ERBB4: variants seen among roughly 807,000 people sequenced by gnomAD.
ERBB4 encodes erb-b2 receptor tyrosine kinase 4, also known as receptor tyrosine-protein kinase erbB-4.
ERBB4 carries 42 observed loss-of-function variants against 158.0 expected under a neutral mutation model. The observed-to-expected ratio is 0.27, with a 90% CI of 0.21 to 0.34. The LOEUF (loss-of-function observed/expected upper bound fraction) is 0.34, where lower values mean the gene tolerates loss of function less well. ERBB4 is among the 10% of genes least tolerant of loss of function. The probability of loss-of-function intolerance (pLI) is 1.00; values close to 1 mark genes in which losing one functional copy is unlikely to be tolerated. For synonymous variants in ERBB4, 583 were observed against 558.7 expected (o/e 1.04, Z -0.61); for missense variants, 1,333 against 1,624.1 (o/e 0.82, Z 3.08).
intron 1 of ERBB4, among the ~76,000 whole-genome samples, chr2:212,203,170 G>C (rs1435526240): frequency 6.6e-6 from 1 of 152,012 alleles, no homozygotes; most frequent in Non-Finnish European, 1.5e-5. Flanking sequence ...ATAATAAGGA[G>C]AACAAATGGG....
At chr2:212,230,411 T>C (rs965408812) in intron 1 of ERBB4, among the ~76,000 whole-genome samples, 1 of 152,238 alleles carries the variant, frequency 6.6e-6, no homozygotes, top group African/African-American at 2.4e-5. Context: ...GGATTTTGTA[T>C]TGTAACAGAT....
chr2:212,131,005 A>C (rs938768198), intron 1 of ERBB4, among the ~76,000 whole-genome samples: 11 of 152,198 alleles, frequency 7.2e-5, no homozygotes, highest in Non-Finnish European at 1.6e-4. Context: ...TTGGGCATTA[A>C]AAAATCTAGC....
intron 1 of ERBB4, among the ~76,000 whole-genome samples, chr2:212,444,155 T>C (rs1560338444): frequency 6.6e-6 from 1 of 152,186 alleles, no homozygotes; most frequent in Admixed American, 6.5e-5. Context: ...GAGTTCCCTA[T>C]GATCAGTTGA....
At chr2:211,804,875 G>A (rs1198239860) in intron 3 of ERBB4, among the ~76,000 whole-genome samples, 1 of 151,478 alleles carries the variant, frequency 6.6e-6, no homozygotes, top group African/African-American at 2.4e-5. Context: ...CTAACAGTGA[G>A]TGTTCTTTCT....
chr2:211,773,606 A>C (rs2075772731), intron 4 of ERBB4, among the ~76,000 whole-genome samples: 1 of 20,364 alleles, frequency 4.9e-5, no homozygotes, highest in African/African-American at 5.2e-4. Context: ...CTTTATATAT[A>C]TATATATATA....
At chr2:212,140,148 C>T (rs970692218) in intron 1 of ERBB4, among the ~76,000 whole-genome samples, 2 of 151,398 alleles carry the variant, frequency 1.3e-5, no homozygotes, top group African/African-American at 4.8e-5. Context: ...CATGCAGTTG[C>T]ATCATTTTTT....
intron 3 of ERBB4, among the ~76,000 whole-genome samples, chr2:211,918,674 C>A (rs1191763469): frequency 2.0e-5 from 3 of 152,090 alleles, no homozygotes; most frequent in Non-Finnish European, 2.9e-5. Context: ...TAGATTTGGC[C>A]AATGCCATTT....
chr2:211,727,186 C>T (rs371425567), intron 5 of ERBB4, among the ~76,000 whole-genome samples: 1 of 152,130 alleles, frequency 6.6e-6, no homozygotes, highest in African/African-American at 2.4e-5. Context: ...AGTTATTTAA[C>T]CATTCTGTAT....
At chr2:211,682,647 T>C (rs574518249) in intron 12 of ERBB4, among the ~76,000 whole-genome samples, 1 of 152,302 alleles carries the variant, frequency 6.6e-6, no homozygotes, top group Non-Finnish European at 1.5e-5. Context: ...CTGTATGAAA[T>C]TTGCATATTT....
chr2:211,835,289 T>A (rs1223731479), intron 3 of ERBB4, among the ~76,000 whole-genome samples: 2 of 143,728 alleles, frequency 1.4e-5, no homozygotes, highest in African/African-American at 5.1e-5. Flanking sequence ...GATGAATATT[T>A]AGAAATGCAT....
At chr2:212,014,083 G>C (rs1486508499) in intron 2 of ERBB4, among the ~76,000 whole-genome samples, 1 of 152,102 alleles carries the variant, frequency 6.6e-6, no homozygotes, top group Non-Finnish European at 1.5e-5. Flanking sequence ...GGAAATACTG[G>C]AGAAAAACCT....
chr2:211,553,129 C>T (rs1462279459), intron 20 of ERBB4, among the ~76,000 whole-genome samples: 5 of 151,974 alleles, frequency 3.3e-5, no homozygotes, highest in East Asian at 1.9e-4. Flanking sequence ...CCACCACGCC[C>T]GGCTAATTTT....
At chr2:212,406,862 C>A (rs192177841) in intron 1 of ERBB4, among the ~76,000 whole-genome samples, 5 of 152,176 alleles carry the variant, frequency 3.3e-5, no homozygotes, top group Admixed American at 2.6e-4. Flanking sequence ...CTCTCCTCTT[C>A]CTCTCCACAC....
chr2:211,406,691 C>T (rs985405908), intron 25 of ERBB4, among the ~76,000 whole-genome samples: 2 of 151,844 alleles, frequency 1.3e-5, no homozygotes, highest in Non-Finnish European at 2.9e-5. Context: ...AGCTGTGCCT[C>T]GGTTTACCCA....
chr2:211,552,521 C>T (rs892392524), intron 20 of ERBB4, among the ~76,000 whole-genome samples: 1 of 151,860 alleles, frequency 6.6e-6, no homozygotes, highest in African/African-American at 2.4e-5. Context: ...TTTAGAATCA[C>T]CCTTTCAACT....
At chr2:211,408,999 A>C (rs1254683660) in intron 25 of ERBB4, among the ~76,000 whole-genome samples, 1 of 152,224 alleles carries the variant, frequency 6.6e-6, no homozygotes, top group Non-Finnish European at 1.5e-5. Context: ...CGTAGTCTAG[A>C]GTAAAACGAA....
chr2:212,461,454 C>T (rs1688569433), intron 1 of ERBB4, among the ~76,000 whole-genome samples: 1 of 152,090 alleles, frequency 6.6e-6, no homozygotes, highest in African/African-American at 2.4e-5. Flanking sequence ...GACCTGTAGC[C>T]CCTTTGTTTT....
At position 212,229,061 on chromosome 2, in the gene ERBB4, G is replaced by A. The variant is rs1416217439; in HGVS notation, c.83-104158C>T. On this transcript the variant is annotated intron_variant, in intron 1 of 27. Coordinates refer to ENST00000342788, the MANE Select transcript of ERBB4 (RefSeq NM_005235.3). ...GGCTTGGAATTGGACATATCAGTATGGATTCATGGGAAGAGAGAGAGACAG... is the reference window on the plus strand; with the variant it reads ...GGCTTGGAATTGGACATATCAGTATAGATTCATGGGAAGAGAGAGAGACAG... 6.6e-5 allele frequency among the ~76,000 whole-genome samples: 10 copies of A among 152,184 alleles called. No homozygotes were observed. The East Asian group carries it at 1.2e-3, about 18-fold the overall frequency.
chr2:212,521,586 CTAT>C (rs1294465118), intron 1 of ERBB4, among the ~76,000 whole-genome samples: 1 of 151,860 alleles, frequency 6.6e-6, no homozygotes, highest in African/African-American at 2.4e-5. Context: ...CCTACTACTA[CTAT>C]AGCATACAAA....
Sources: gnomAD v4.1 joint callset for allele counts (sites outside exome capture counted in the v4.1 genomes callset) on GRCh38, gnomAD v4.1.1 for gene constraint, MANE v1.5 for transcripts, NCBI Gene and HGNC (gene_info 2026-07-23, HGNC 2026-07-21) for gene names.